The following PCMTD1 variants were observed in gnomAD, a reference collection of about 807,000 sequenced individuals.
The protein encoded by PCMTD1 is protein-L-isoaspartate O-methyltransferase domain-containing protein 1.
Under a neutral mutation model 37.6 loss-of-function variants are expected in PCMTD1, and 12 were observed. That is an observed-to-expected ratio of 0.32 (90% CI 0.20 to 0.52). The LOEUF (loss-of-function observed/expected upper bound fraction) is 0.52, where lower values mean the gene tolerates loss of function less well. Among genes scored for constraint, PCMTD1 ranks in the 20% least tolerant of loss-of-function variants. The pLI, the probability that PCMTD1 is intolerant of heterozygous loss-of-function variation, is 0.97. For synonymous variants in PCMTD1, 117 were observed against 135.8 expected, an observed-to-expected ratio of 0.86 and a Z score of 0.96; for missense variants, 235 against 421.3, an observed-to-expected ratio of 0.56 and a Z score of 3.87.
chr8:51,878,436 G>T (rs4873616), intron 1 of PCMTD1, among the ~76,000 whole-genome samples: 104,411 of 151,968 alleles, frequency 0.69, 42,343 homozygotes, highest in Non-Finnish European at 0.9. Context: ...TCAAAATGAA[G>T]TTATATAACT....
chr8:51,870,164 G>A (rs2038618110), intron 1 of PCMTD1: 1 of 152,196 alleles, frequency 6.6e-6, no homozygotes, highest in Non-Finnish European at 1.5e-5. Flanking sequence ...CACCCAGAGG[G>A]AAGCAGTCAA....
chr8:51,822,610 T>G (rs1370112808), intron 5 of PCMTD1, among the ~76,000 whole-genome samples: 2 of 152,236 alleles, frequency 1.3e-5, no homozygotes, highest in African/African-American at 4.8e-5. Flanking sequence ...AATAACTGAA[T>G]GCTAGGAGAT....
At chr8:51,852,828 G>A (rs1036261721) in intron 2 of PCMTD1, among the ~76,000 whole-genome samples, 3 of 152,186 alleles carry the variant, frequency 2.0e-5, no homozygotes, top group Non-Finnish European at 4.4e-5. Flanking sequence ...CACTAAGAAA[G>A]GAAACAGAGG....
intron 3 of PCMTD1, among the ~76,000 whole-genome samples, chr8:51,835,948 T>A (rs1039303769): frequency 6.6e-6 from 1 of 152,234 alleles, no homozygotes; most frequent in Admixed American, 6.5e-5. Context: ...CTGGGCAAGT[T>A]ACCTTATACC....
intron 1 of PCMTD1, chr8:51,870,360 T>C (rs2038620920): frequency 6.6e-6 from 1 of 152,110 alleles, no homozygotes; most frequent in African/African-American, 2.4e-5. Context: ...GAGGCAACTA[T>C]ACAGTGAAAA....
At chr8:51,893,516 T>C (rs2129296092) in intron 1 of PCMTD1, among the ~76,000 whole-genome samples, 1 of 152,292 alleles carries the variant, frequency 6.6e-6, no homozygotes, top group East Asian at 1.9e-4. Flanking sequence ...CTTTCACATC[T>C]ATGCAAGCTT....
At chr8:51,825,679 C>T (rs867240486) in intron 5 of PCMTD1, among the ~76,000 whole-genome samples, 3,181 of 78,260 alleles carry the variant, frequency 0.041, 469 homozygotes, top group African/African-American at 0.11. Context: ...CCGGCCTGGG[C>T]GACAGAGCGA....
At chr8:51,899,103 T>C (rs1426086526), upstream of PCMTD1, 8 of 1,451,672 alleles carry the variant, frequency 5.5e-6, no homozygotes, top group South Asian at 1.1e-4. Flanking sequence ...GCCGCCGGGG[T>C]CCGGGCATGC....
At chr8:51,851,224 C>G (rs895859350) in intron 2 of PCMTD1, among the ~76,000 whole-genome samples, 1 of 152,178 alleles carries the variant, frequency 6.6e-6, no homozygotes, top group African/African-American at 2.4e-5. Flanking sequence ...GGGGAGGCAT[C>G]ATGAAACAAG....
At chr8:51,822,281 T>TAGAA (rs2037859916) in intron 5 of PCMTD1, among the ~76,000 whole-genome samples, 1 of 151,894 alleles carries the variant, frequency 6.6e-6, no homozygotes, top group African/African-American at 2.4e-5. Context: ...GGTGGCAGTA[T>TAGAA]AGATGGGAGA....
Position 51,820,601 on chromosome 8 carries a change from T to G in PCMTD1, c.824A>C (p.Lys275Thr). The G allele has an allele frequency of 6.2e-7, 1 of 1,611,130 alleles. No individual in the cohort carries two copies. The highest frequency in any genetic ancestry group is 8.5e-7 in the Non-Finnish European group (1 of 1,179,288). ...AKGIPQRAPPKRKRKRVKQRI... is the reference protein window; with the variant it reads ...AKGIPQRAPPTRKRKRVKQRI... ...CTGTTTAACTCTCTTTCTTTTCCTT[T>G]TGGGTGGAGCCCTTTGAGGAATCCC... The change falls in exon 6 of 6, where the codon AAA (lysine) becomes ACA (threonine). Residue 275 changes from lysine to threonine, a missense_variant. Physicochemically the swap from Lys to Thr is moderately conservative, Grantham distance 78. Coordinates refer to ENST00000522514, the MANE Select transcript of PCMTD1 (RefSeq NM_052937.4).
chr8:51,887,267 A>C (rs79929780), intron 1 of PCMTD1, among the ~76,000 whole-genome samples: 9,197 of 152,186 alleles, frequency 0.06, 376 homozygotes, highest in Non-Finnish European at 0.087. Context: ...TTTGCCTAGC[A>C]CACTACCCAA....
rs75629715 is a variant in PCMTD1 at position 51,893,562 on chromosome 8, T to C, written c.-96+5368A>G. Among the ~76,000 whole-genome samples the C allele has an allele frequency of 2.2e-3, 330 of 152,306 alleles. 2 individuals carry two copies. Among genetic ancestry groups the C allele is most frequent in the African/African-American group, 7.5e-3 (313 of 41,578 alleles). On this transcript the variant is annotated intron_variant, in intron 1 of 5. Coordinates refer to ENST00000522514, the MANE Select transcript of PCMTD1 (RefSeq NM_052937.4). ...TAAGATCAGAGAGTTTATGAGAATA[T>C]TGCAGCTCATTAGAAAACTTGTCTG...
chr8:51,850,408 G>C (rs992642045), intron 2 of PCMTD1, among the ~76,000 whole-genome samples: 2 of 152,072 alleles, frequency 1.3e-5, no homozygotes, highest in African/African-American at 2.4e-5. Flanking sequence ...TTTAAAAGTA[G>C]ATTAAATTTA....
chr8:51,827,645 A>G (rs1056467386), intron 5 of PCMTD1, among the ~76,000 whole-genome samples: 28 of 152,290 alleles, frequency 1.8e-4, no homozygotes, highest in East Asian at 9.6e-4. Context: ...AAAAGGAGGG[A>G]TGACTGTATA....
intron 1 of PCMTD1, among the ~76,000 whole-genome samples, chr8:51,890,011 A>C (rs1337677899): frequency 6.6e-6 from 1 of 152,052 alleles, no homozygotes; most frequent in Non-Finnish European, 1.5e-5. Context: ...AAAAAAAAAA[A>C]AAAAGCTTAT....
At chr8:51,841,689 T>TG (rs1563341762) in intron 3 of PCMTD1, among the ~76,000 whole-genome samples, 1 of 152,198 alleles carries the variant, frequency 6.6e-6, no homozygotes, top group Non-Finnish European at 1.5e-5. Context: ...TTTTTTTAAC[T>TG]GTACATGAGC....
chr8:51,863,418 T>C (rs2038503799), intron 1 of PCMTD1, among the ~76,000 whole-genome samples: 1 of 152,160 alleles, frequency 6.6e-6, no homozygotes, highest in Non-Finnish European at 1.5e-5. Flanking sequence ...AGAAGAAGAA[T>C]GAAATAAATA....
chr8:51,865,045 G>T (rs1386353359), intron 1 of PCMTD1, among the ~76,000 whole-genome samples: 1 of 152,100 alleles, frequency 6.6e-6, no homozygotes. Flanking sequence ...AGGGTCATAA[G>T]AGACTATGAA....
Sources: allele counts gnomAD v4.1 joint callset (sites outside exome capture counted in the v4.1 genomes callset), GRCh38; gene constraint gnomAD v4.1.1; transcripts MANE v1.5; gene names NCBI Gene and HGNC (gene_info 2026-07-23, HGNC 2026-07-21).